GAB2: variants seen among roughly 807,000 people sequenced by gnomAD.
GAB2 encodes the protein GRB2 associated binding protein 2, also known as GRB2-associated-binding protein 2.
In GAB2, 26 loss-of-function variants were observed where a neutral mutation model predicts 65.5. The observed-to-expected ratio is 0.40, with a 90% CI of 0.29 to 0.55. The LOEUF (loss-of-function observed/expected upper bound fraction) is 0.55, where lower values mean the gene tolerates loss of function less well. Among genes scored for constraint, GAB2 ranks in the 20% least tolerant of loss-of-function variants. The pLI, the probability that GAB2 is intolerant of heterozygous loss-of-function variation, is 0.53. For synonymous variants in GAB2, 321 were observed against 329.6 expected (o/e 0.97, Z 0.28); for missense variants, 884 against 875.8 (o/e 1.01, Z -0.12).
At chr11:78,300,672 GT>G (rs1291386898) in intron 1 of GAB2, among the ~76,000 whole-genome samples, 25 of 122,386 alleles carry the variant, frequency 2.0e-4, no homozygotes, top group African/African-American at 2.4e-4. Context: ...TCACTGTGTG[GT>G]TTTTTTTTTT....
intron 1 of GAB2, among the ~76,000 whole-genome samples, chr11:78,406,757 C>T (rs560123964): frequency 6.6e-6 from 1 of 152,088 alleles, no homozygotes; most frequent in Non-Finnish European, 1.5e-5. Context: ...CAGATGCCAA[C>T]ACTGAGATAA....
intron 2 of GAB2, among the ~76,000 whole-genome samples, chr11:78,269,845 C>T (rs1865966383): frequency 6.6e-6 from 1 of 152,190 alleles, no homozygotes; most frequent in African/African-American, 2.4e-5. Context: ...AGACATGTGA[C>T]TACTGTGAAA....
chr11:78,274,521 G>T (rs1866112573), intron 2 of GAB2, among the ~76,000 whole-genome samples: 1 of 152,196 alleles, frequency 6.6e-6, no homozygotes, highest in South Asian at 2.1e-4. Context: ...TGGAGAAGCA[G>T]AAGCATGGGG....
intron 1 of GAB2, among the ~76,000 whole-genome samples, chr11:78,290,727 G>A (rs750057341): frequency 3.3e-5 from 5 of 152,156 alleles, no homozygotes; most frequent in Non-Finnish European, 5.9e-5. Flanking sequence ...GTGGAAGAGC[G>A]ATTTGATTTA....
rs1864175168 is a variant in GAB2, at chr11:78,216,870, C to A, written c.*2402G>T. 2.6e-5 allele frequency: 4 copies of A among 152,234 alleles called. No individual in the cohort carries two copies. 9.4% of individuals were successfully genotyped at this position (152,234 alleles called of 1,614,324 possible). A position where few individuals can be genotyped will look rare whatever the true frequency, so the allele number is the denominator to read the frequency against. ...ACATTCAGGGCTGGGCAGAGTGAAC[C>A]AGCACCCTGCCAACTCTGCCCAGTG... is the stretch of plus-strand genomic sequence containing the variant. On this transcript the variant is annotated 3_prime_UTR_variant, in exon 10 of 10. Coordinates refer to ENST00000361507, the MANE Select transcript of GAB2 (RefSeq NM_080491.3).
At chr11:78,295,002 C>T (rs930608734) in intron 1 of GAB2, among the ~76,000 whole-genome samples, 1 of 152,112 alleles carries the variant, frequency 6.6e-6, no homozygotes, top group South Asian at 2.1e-4. Flanking sequence ...TGACAAAGGG[C>T]TGATATCCAG....
intron 1 of GAB2, among the ~76,000 whole-genome samples, chr11:78,294,597 T>C (rs547259855): frequency 6.6e-6 from 1 of 152,188 alleles, no homozygotes; most frequent in African/African-American, 2.4e-5. Context: ...GATTTTTTAA[T>C]GATCGCCATT....
chr11:78,365,109 C>G (rs1042210936), intron 1 of GAB2, among the ~76,000 whole-genome samples: 3 of 152,080 alleles, frequency 2.0e-5, no homozygotes, highest in Non-Finnish European at 4.4e-5. Context: ...ACTTAATGAT[C>G]TGAGGTCCCT....
At chr11:78,266,266 T>G (rs1865872602) in intron 2 of GAB2, among the ~76,000 whole-genome samples, 2 of 144,876 alleles carry the variant, frequency 1.4e-5, no homozygotes, top group Admixed American at 1.4e-4. Flanking sequence ...GGGCAGCTAC[T>G]CTGTGGCTAC....
At chr11:78,403,652 G>C (rs567801161) in intron 1 of GAB2, among the ~76,000 whole-genome samples, 1 of 152,292 alleles carries the variant, frequency 6.6e-6, no homozygotes, top group South Asian at 2.1e-4. Context: ...AAATATTGAG[G>C]AAATGCTCCA....
At chr11:78,297,304 A>G (rs910983885) in intron 1 of GAB2, among the ~76,000 whole-genome samples, 1 of 151,942 alleles carries the variant, frequency 6.6e-6, no homozygotes, top group Non-Finnish European at 1.5e-5. Context: ...TTATAAAATT[A>G]AAAAATCTGA....
chr11:78,414,087 CA>C (rs34915163), intron 1 of GAB2, among the ~76,000 whole-genome samples: 14,507 of 83,250 alleles, frequency 0.17, 1,848 homozygotes, highest in African/African-American at 0.41. Context: ...AACTCTGTCT[CA>C]AAAAAAAAAA....
At chr11:78,352,379 C>T (rs926496678) in intron 1 of GAB2, among the ~76,000 whole-genome samples, 5 of 152,306 alleles carry the variant, frequency 3.3e-5, no homozygotes, top group Middle Eastern at 3.4e-3. Flanking sequence ...TCACAGAACC[C>T]GTCATAAGGC....
chr11:78,216,062 C>CAGAAAG lies in GAB2; in HGVS notation c.*3204_*3209dup, dbSNP rs2134440018. ...ATAGGTACTGCCCACCCCAATCCCC[C>CAGAAAG]AGAAAGAAGTTACAGAGGAGGGAGT... On this transcript the variant is annotated 3_prime_UTR_variant, in exon 10 of 10. Coordinates refer to ENST00000361507, the MANE Select transcript of GAB2 (RefSeq NM_080491.3). 1 of 152,790 alleles carries CAGAAAG rather than the reference C, an allele frequency of 6.5e-6. No homozygotes were observed. The highest frequency in any genetic ancestry group is 1.5e-5 in the Non-Finnish European group (1 of 68,052). 9.5% of individuals were successfully genotyped at this position (152,790 alleles called of 1,614,324 possible).
chr11:78,275,115 C>T (rs1046543830), intron 2 of GAB2, among the ~76,000 whole-genome samples: 2 of 152,144 alleles, frequency 1.3e-5, no homozygotes, highest in African/African-American at 4.8e-5. Flanking sequence ...CAGGTGCTGA[C>T]ATGAAGACTC....
At position 78,328,333 on chromosome 11, in the gene GAB2, C is replaced by T. The variant is rs546047058; in HGVS notation, c.76-47432G>A. Among the ~76,000 whole-genome samples, 8 of 152,200 alleles carry T rather than the reference C, an allele frequency of 5.3e-5. No individual in the cohort carries two copies. The South Asian group carries it at 8.3e-4, about 16-fold the overall frequency. On this transcript the variant is annotated intron_variant, in intron 1 of 9. Transcript: ENST00000361507. ...AGCAGCCATCAAAAACACTAAGCCG[C>T]GGAAGGCTTTTTAAAAAAGACATTA...
chr11:78,330,981 C>A lies in GAB2; in HGVS notation c.76-50080G>T, dbSNP rs529457082. ...TTGAGGTCAGGAGTTCGAGACCAGA[C>A]TGGCCAACATGGTAAAACCCTGTCT... is the stretch of plus-strand genomic sequence containing the variant. On this transcript the variant is annotated intron_variant, in intron 1 of 9. Coordinates refer to ENST00000361507, the MANE Select transcript of GAB2 (RefSeq NM_080491.3). Among the ~76,000 whole-genome samples, 4 of 151,962 alleles carry A rather than the reference C, an allele frequency of 2.6e-5. No individual in the cohort carries two copies. In the South Asian group the frequency reaches 6.2e-4, roughly 24 times the overall value.
At position 78,215,694 on chromosome 11, in the gene GAB2, C is replaced by CTCTT. The variant is rs1237016680; in HGVS notation, c.*3574_*3577dup. ...CCATAAATCACATGACAGCCTGGATCTCTTGGGGACCCCCTCGGCAGGTAC... is the reference window on the plus strand; with the variant it reads ...CCATAAATCACATGACAGCCTGGATCTCTTTCTTGGGGACCCCCTCGGCAGGTAC... On this transcript the variant is annotated 3_prime_UTR_variant, in exon 10 of 10. Coordinates refer to ENST00000361507, the MANE Select transcript of GAB2 (RefSeq NM_080491.3). The CTCTT allele has an allele frequency of 6.6e-6, 1 of 152,348 alleles. No individual in the cohort carries two copies. Among genetic ancestry groups the CTCTT allele is most frequent in the East Asian group, 1.9e-4 (1 of 5,198 alleles). The allele number at this position is 152,348 out of a possible 1,614,324, so 9.4% of individuals were successfully genotyped here.
chr11:78,403,729 G>A (rs929865918), intron 1 of GAB2, among the ~76,000 whole-genome samples: 2 of 152,092 alleles, frequency 1.3e-5, no homozygotes, highest in African/African-American at 4.8e-5. Context: ...AAGCAAAAAC[G>A]GACAGAAGGG....
Sources: gnomAD v4.1 joint callset for allele counts (sites outside exome capture counted in the v4.1 genomes callset) on GRCh38, gnomAD v4.1.1 for gene constraint, MANE v1.5 for transcripts, NCBI Gene and HGNC (gene_info 2026-07-23, HGNC 2026-07-21) for gene names.